Variants in COL24A1 observed in about 807,000 individuals in gnomAD.
COL24A1 encodes collagen type XXIV alpha 1 chain.
In COL24A1, 224 loss-of-function variants were observed where a neutral mutation model predicts 253.9. The observed-to-expected ratio is 0.88, with a 90% confidence interval of 0.79 to 0.99. COL24A1 has a LOEUF of 0.99. Ranked by LOEUF, COL24A1 falls within the 50% of genes least tolerant of loss-of-function variation. COL24A1 has a pLI of 0.00. For missense variants in COL24A1, 2,131 were observed against 2,068.5 expected (o/e 1.03, Z -0.59); for synonymous variants, 685 against 673.7 (o/e 1.02, Z -0.26).
intron 24 of COL24A1, among the ~76,000 whole-genome samples, chr1:85,941,307 C>A (rs546876022): frequency 6.6e-6 from 1 of 152,008 alleles, no homozygotes; most frequent in Non-Finnish European, 1.5e-5. Context: ...ATCTACCATC[C>A]GATGCCTCCC....
chr1:85,959,439 A>T (rs1173717268), intron 24 of COL24A1, among the ~76,000 whole-genome samples: 1 of 152,138 alleles, frequency 6.6e-6, no homozygotes, highest in African/African-American at 2.4e-5. Context: ...ATATCCAAGC[A>T]TGGCATAATG....
chr1:85,875,716 G>GACACACACACACACAC (rs141827930), intron 33 of COL24A1, among the ~76,000 whole-genome samples: 11 of 141,108 alleles, frequency 7.8e-5, no homozygotes, highest in African/African-American at 2.2e-4. Flanking sequence ...CATTATAAAA[G>GACACACACACACACAC]ACACACACAC....
intron 39 of COL24A1, among the ~76,000 whole-genome samples, chr1:85,843,071 T>C (rs1452604377): frequency 6.6e-6 from 1 of 152,062 alleles, no homozygotes; most frequent in Non-Finnish European, 1.5e-5. Flanking sequence ...AGCAAAAAGA[T>C]TCCATATTGA....
intron 47 of COL24A1, among the ~76,000 whole-genome samples, chr1:85,796,799 G>C (rs1670851199): frequency 1.3e-5 from 2 of 152,226 alleles, no homozygotes; most frequent in Admixed American, 1.3e-4. Context: ...TATGGATTAA[G>C]TATAATACTA....
chr1:86,060,605 C>A (rs546015628), intron 8 of COL24A1, among the ~76,000 whole-genome samples: 1 of 152,082 alleles, frequency 6.6e-6, no homozygotes, highest in African/African-American at 2.4e-5. Flanking sequence ...CCTCTCATTT[C>A]TATCTCTCAT....
chr1:85,940,039 T>A (rs1688592430), intron 24 of COL24A1, among the ~76,000 whole-genome samples: 1 of 152,152 alleles, frequency 6.6e-6, no homozygotes, highest in African/African-American at 2.4e-5. Context: ...AGATAAACTA[T>A]CTACAAACAC....
chr1:85,802,528 T>C (rs1432945069), intron 47 of COL24A1, among the ~76,000 whole-genome samples: 2 of 152,172 alleles, frequency 1.3e-5, no homozygotes, highest in African/African-American at 4.8e-5. Context: ...CCCACTCATA[T>C]AATATATGAA....
intron 7 of COL24A1, among the ~76,000 whole-genome samples, chr1:86,069,333 G>A (rs1326936784): frequency 1.3e-5 from 2 of 152,148 alleles, no homozygotes; most frequent in African/African-American, 4.8e-5. Flanking sequence ...AAACCCCCAT[G>A]GACTAGTGGT....
intron 18 of COL24A1, among the ~76,000 whole-genome samples, chr1:86,021,106 G>C (rs1697491183): frequency 6.6e-6 from 1 of 152,056 alleles, no homozygotes; most frequent in Admixed American, 6.6e-5. Flanking sequence ...ACTGCTTCCT[G>C]AGATTAAAAA....
chr1:85,841,755 T>G (rs1676636841), intron 41 of COL24A1, among the ~76,000 whole-genome samples: 1 of 152,148 alleles, frequency 6.6e-6, no homozygotes, highest in Non-Finnish European at 1.5e-5. Flanking sequence ...TTAATATAAA[T>G]GTACTATAAT....
intron 1 of COL24A1, among the ~76,000 whole-genome samples, chr1:86,151,090 T>C (rs984400728): frequency 6.6e-6 from 1 of 152,038 alleles, no homozygotes; most frequent in South Asian, 2.1e-4. Context: ...GGTTTGTATA[T>C]ATGTGTGTGT....
Position 85,858,318 on chromosome 1 carries a change from A to T in COL24A1, c.3301-8912T>A, listed in dbSNP as rs144694911. On this transcript the variant is annotated intron_variant, in intron 37 of 59. Coordinates refer to ENST00000370571, the MANE Select transcript of COL24A1 (RefSeq NM_152890.7). Reference sequence around the variant, plus strand: ...TTATCATGGTCTATAATTCCCTATGATCTGGCTCCTACCATTTCTCTGACA... The same window carrying T: ...TTATCATGGTCTATAATTCCCTATGTTCTGGCTCCTACCATTTCTCTGACA... Among the ~76,000 whole-genome samples, 21 of 152,310 alleles carry T rather than the reference A, an allele frequency of 1.4e-4. No individual in the cohort carries two copies. The East Asian group carries it at 3.5e-3, about 25-fold the overall frequency.
intron 7 of COL24A1, among the ~76,000 whole-genome samples, chr1:86,081,620 A>C (rs961187151): frequency 1.3e-5 from 2 of 152,186 alleles, no homozygotes; most frequent in South Asian, 2.1e-4. Context: ...CTGTCTGTAC[A>C]TGATTGAAGA....
At chr1:86,101,702 T>C (rs1704470113) in intron 5 of COL24A1, among the ~76,000 whole-genome samples, 1 of 152,238 alleles carries the variant, frequency 6.6e-6, no homozygotes, top group African/African-American at 2.4e-5. Flanking sequence ...GATTTGCATA[T>C]GTTGAAACAA....
At chr1:86,019,432 C>CCATACCCAGGTGGTGGAG (rs1697287509) in intron 18 of COL24A1, among the ~76,000 whole-genome samples, 1 of 151,396 alleles carries the variant, frequency 6.6e-6, no homozygotes. Context: ...TGGTGGTGGA[C>CCATACCCAGGTGGTGGAG]CTGCAGTCCT....
chr1:85,975,258 TG>T (rs1316269035), intron 20 of COL24A1, among the ~76,000 whole-genome samples: 1 of 152,206 alleles, frequency 6.6e-6, no homozygotes, highest in Admixed American at 6.5e-5. Flanking sequence ...ATCCCACTAC[TG>T]AGTATATATA....
intron 57 of COL24A1, among the ~76,000 whole-genome samples, chr1:85,740,115 T>G (rs750213759): frequency 6.6e-6 from 1 of 152,178 alleles, no homozygotes; most frequent in Non-Finnish European, 1.5e-5. Flanking sequence ...ACTTGTCTTA[T>G]AAATCCCCAA....
rs575018550 is a variant in COL24A1, at chr1:86,079,294, A to T, written c.1707+9880T>A. Among the ~76,000 whole-genome samples the T allele has an allele frequency of 4.0e-4, 61 of 152,320 alleles. 1 individual carries two copies. In the South Asian group the frequency reaches 0.012, roughly 31 times the overall value. On this transcript the variant is annotated intron_variant, in intron 7 of 59. Coordinates refer to ENST00000370571, the MANE Select transcript of COL24A1 (RefSeq NM_152890.7). ...GATCCCTATCTCTTGCCTTGTACAA[A>T]AATCAATTCAAAATAGATTAAAGAC...
intron 55 of COL24A1, among the ~76,000 whole-genome samples, chr1:85,754,394 G>A (rs1226191503): frequency 1.2e-5 from 1 of 83,318 alleles, no homozygotes; most frequent in Non-Finnish European, 2.4e-5. Flanking sequence ...TGGTGGGGTC[G>A]GGGGAGGGGG....
Sources: allele counts gnomAD v4.1 joint callset (sites outside exome capture counted in the v4.1 genomes callset), GRCh38; gene constraint gnomAD v4.1.1; transcripts MANE v1.5; gene names NCBI Gene and HGNC (gene_info 2026-07-23, HGNC 2026-07-21).